Variants in IDH3B observed in about 807,000 individuals in gnomAD.
IDH3B encodes isocitrate dehydrogenase [NAD] subunit beta, mitochondrial.
In IDH3B, 40 loss-of-function variants were observed where a neutral mutation model predicts 47.5. That is an observed-to-expected ratio of 0.84 (90% confidence interval 0.65 to 1.10). IDH3B has a LOEUF of 1.10. Ranked by LOEUF, IDH3B falls within the 50% of genes least tolerant of loss-of-function variation. The pLI, the probability that IDH3B is intolerant of heterozygous loss-of-function variation, is 0.00. For synonymous variants in IDH3B, 185 were observed against 191.0 expected, an observed-to-expected ratio of 0.97 and a Z score of 0.26; for missense variants, 450 against 505.2, an observed-to-expected ratio of 0.89 and a Z score of 1.05.
chr20:2,660,416 C>T lies in IDH3B; in HGVS notation c.665+41G>A, dbSNP rs773643628. On this transcript the variant is annotated intron_variant, in intron 7 of 11. Transcript: ENST00000380843. This position sits in a 1 kb window ranked among gnomAD's most constrained non-coding sequence, Gnocchi z 5.6. ...ATCAGCCAAGAAAGTACAGGGGCTA[C>T]CTTCCCAGGAACCCATCCTACACAA... 6.2e-6 allele frequency: 10 copies of T among 1,613,988 alleles called. No individual in the cohort carries two copies. In the East Asian group the frequency reaches 2.0e-4, roughly 32 times the overall value.
chr20:2,661,918 T>G (rs968945968), intron 4 of IDH3B, among the ~76,000 whole-genome samples: 1 of 151,968 alleles, frequency 6.6e-6, no homozygotes, highest in Non-Finnish European at 1.5e-5. Context: ...AAGTTAAGGA[T>G]CTTGAGAAAA....
rs1335388011 is a variant in IDH3B, at chr20:2,660,376, G to A, written c.666-11C>T. On this transcript the variant is annotated splice_polypyrimidine_tract_variant and intron_variant, in intron 7 of 11. Coordinates refer to ENST00000380843, the MANE Select transcript of IDH3B (RefSeq NM_006899.5). This position sits in a 1 kb window ranked among gnomAD's most constrained non-coding sequence, Gnocchi z 5.6. ...CCATCCCCAAGTTTCCTGTCCATGG[G>A]CCAAAGGGGACAGAATCAGCCAAGA... 6.2e-7 allele frequency: 1 copy of A among 1,613,856 alleles called. No homozygotes were observed. The highest frequency in any genetic ancestry group is 8.5e-7 in the Non-Finnish European group (1 of 1,179,922).
chr20:2,660,007 G>A lies in IDH3B; in HGVS notation c.915+23C>T. 1 of 1,613,952 alleles carries A rather than the reference G, an allele frequency of 6.2e-7. No individual in the cohort carries two copies. The highest frequency in any genetic ancestry group is 8.5e-7 in the Non-Finnish European group (1 of 1,179,868). The stretch of plus-strand genomic sequence containing the variant: ...TGGCGGACTTGAGGTCAGAGGAAGG[G>A]CCGAGGGAGAAAGCAGCCTCACCGT... On this transcript the variant is annotated intron_variant, in intron 9 of 11. Transcript: ENST00000380843. The surrounding 1 kb of genome is among the most constrained non-coding windows in gnomAD (Gnocchi z 5.6).
chr20:2,661,074 A>G, intron 4 of IDH3B, 105 bp from the exon 5 acceptor site: 3 of 914,722 alleles, frequency 3.3e-6, no homozygotes, highest in Non-Finnish European at 3.6e-6. Flanking sequence ...CCAGACTCCC[A>G]TCTCCCATTC....
chr20:2,660,069 A>G lies in IDH3B; in HGVS notation c.876T>C (p.Pro292=). The G allele has an allele frequency of 1.9e-6, 3 of 1,614,104 alleles. No homozygotes were observed. Among genetic ancestry groups the G allele is most frequent in the Non-Finnish European group, 8.5e-7 (1 of 1,180,004 alleles). The change falls in exon 9 of 12, where the codon CCT becomes CCC. Residue 292 remains proline (P), a synonymous_variant. Coordinates refer to ENST00000380843, the MANE Select transcript of IDH3B (RefSeq NM_006899.5). This position sits in a 1 kb window ranked among gnomAD's most constrained non-coding sequence, Gnocchi z 5.6. Reference sequence around the variant, plus strand: ...CGTATTCTGCACTATAGCTCTCACCAGGGACCACACCAGCTCCCCCAACCA... The same window carrying G: ...CGTATTCTGCACTATAGCTCTCACCGGGGACCACACCAGCTCCCCCAACCA... The part of the protein sequence containing the change: ...AGLVGGAGVV[P]GESYSAEYAV...
rs766033727 is a variant in IDH3B, at chr20:2,660,286, T to C, written c.745A>G (p.Ile249Val). ...LYPKIKFETM[I>V]IDNCCMQLVQ... ...ACCTGCATGCAGCAGTTGTCTATGA[T>C]CATTGTCTCAAATTTGATTTTGGGG... Residue 249 changes from isoleucine (I) to valine (V), a missense_variant, in exon 8 of 12, where the codon ATC becomes GTC. By Grantham distance (29) the Ile-to-Val change is conservative. Coordinates refer to ENST00000380843, the MANE Select transcript of IDH3B (RefSeq NM_006899.5). This position sits in a 1 kb window ranked among gnomAD's most constrained non-coding sequence, Gnocchi z 5.6. 6.2e-7 allele frequency: 1 copy of C among 1,614,078 alleles called. No homozygotes were observed.
At chr20:2,663,833 G>A (rs1000377665) in intron 2 of IDH3B, 75 bp from the exon 3 acceptor site, 34 of 1,590,990 alleles carry the variant, frequency 2.1e-5, no homozygotes, top group Non-Finnish European at 2.8e-5. Flanking sequence ...AGAGAAGTAG[G>A]GAGACCCGGG....
chr20:2,664,119 G>A (rs753830567), intron 1 of IDH3B, 34 bp downstream of exon 1: 1 of 1,607,284 alleles, frequency 6.2e-7, no homozygotes, highest in Admixed American at 1.7e-5. Flanking sequence ...CCGCTCCTTC[G>A]CCCGCCCCTG....
chr20:2,664,168 G>C lies in IDH3B; in HGVS notation c.21C>G (p.Val7=). The C allele has an allele frequency of 1.2e-6, 2 of 1,613,636 alleles. No homozygotes were observed. Among genetic ancestry groups the C allele is most frequent in the Non-Finnish European group, 1.7e-6 (2 of 1,179,892 alleles). Residue 7 remains valine (V), a synonymous_variant, in exon 1 of 12, where the codon GTC becomes GTG. Transcript: ENST00000380843. MAALSG[V]RWLTRALVSA... is the part of the protein sequence containing the mutation. ...GGGGCCTCACTCGGGTCAGCCAGCG[G>C]ACTCCGCTCAATGCCGCCATGTTTC...
chr20:2,663,767 G>C lies in IDH3B; in HGVS notation c.118-9C>G, dbSNP rs1307182570. On this transcript the variant is annotated splice_polypyrimidine_tract_variant and intron_variant, in intron 2 of 11. Coordinates refer to ENST00000380843, the MANE Select transcript of IDH3B (RefSeq NM_006899.5). ...ACCCTCACGTCCTCGGCCTCAATTG[G>C]GGGAAGAGGGGAGAAGTAAAGATAG... The C allele has an allele frequency of 4.3e-6, 7 of 1,613,352 alleles. No homozygotes were observed. Among genetic ancestry groups the C allele is most frequent in the Non-Finnish European group, 5.9e-6 (7 of 1,179,402 alleles).
chr20:2,659,623 A>G, intron 10 of IDH3B, 38 bp from the exon 11 acceptor site: 1 of 1,611,722 alleles, frequency 6.2e-7, no homozygotes, highest in Non-Finnish European at 8.5e-7. Flanking sequence ...GACTCCCCCA[A>G]GACACCTCCC....
Position 2,659,794 on chromosome 20 carries a change from C to CATT in IDH3B, c.916-2_916-1insAAT. 1 of 1,611,246 alleles carries CATT rather than the reference C, an allele frequency of 6.2e-7. No individual in the cohort carries two copies. Among genetic ancestry groups the CATT allele is most frequent in the Non-Finnish European group, 8.5e-7 (1 of 1,177,382 alleles). Reference sequence around the variant, plus strand: ...CCTGGGCAAATGGGTGCCGGGCACCCTGTGGAGAGAGGGGCAGGCTAGACA... The same window carrying CATT: ...CCTGGGCAAATGGGTGCCGGGCACCCATTTGTGGAGAGAGGGGCAGGCTAGACA... On this transcript the variant is annotated splice_acceptor_variant, in intron 9 of 11. Transcript: ENST00000380843. LOFTEE classifies it high-confidence loss of function.
chr20:2,659,772 G>A lies in IDH3B; in HGVS notation c.937C>T (p.Gln313Ter), dbSNP rs966931423. The change falls in exon 10 of 12, where the codon CAG becomes TAG. Residue 313 changes from glutamine (Q) to a stop codon, truncating the protein, a stop_gained. Transcript: ENST00000380843. LOFTEE classifies it high-confidence loss of function. ...TTGGCTATATTCCTGCCCACTGCCTGGGCAAATGGGTGCCGGGCACCCTGT... is the reference window on the plus strand; with the variant it reads ...TTGGCTATATTCCTGCCCACTGCCTAGGCAAATGGGTGCCGGGCACCCTGT... ...FETGARHPFA[Q>*]AVGRNIANPT... is the part of the protein sequence containing the mutation. 2 of 1,614,022 alleles carry A rather than the reference G, an allele frequency of 1.2e-6. No homozygotes were observed. The highest frequency in any genetic ancestry group is 1.7e-5 in the Admixed American group (1 of 60,018).
rs2086870059 is a variant in IDH3B, at chr20:2,658,727, C to A, written c.*24G>T. ...AAGGGTATGGGGAGTGTGGTCCTTGCAAGGTTGGAAGAAATAAAGGGCTCT... is the reference window on the plus strand; with the variant it reads ...AAGGGTATGGGGAGTGTGGTCCTTGAAAGGTTGGAAGAAATAAAGGGCTCT... On this transcript the variant is annotated 3_prime_UTR_variant, in exon 12 of 12. Transcript: ENST00000380843. The A allele has an allele frequency of 6.2e-7, 1 of 1,614,140 alleles. No individual in the cohort carries two copies. The highest frequency in any genetic ancestry group is 8.5e-7 in the Non-Finnish European group (1 of 1,180,020).
rs1256832298 is a variant in IDH3B at position 2,660,530 on chromosome 20, C to T, written c.592G>A (p.Ala198Thr). 1 of 1,614,056 alleles carries T rather than the reference C, an allele frequency of 6.2e-7. No homozygotes were observed. The highest frequency in any genetic ancestry group is 8.5e-7 in the Non-Finnish European group (1 of 1,180,042). ...IVTRAKSQRIAKFAFDYATKK... is the reference protein window; with the variant it reads ...IVTRAKSQRITKFAFDYATKK... ...GTGGCATAGTCAAAGGCGAACTTTG[C>T]AATCCGCTGAGACTTGGCTCGTGTG... Residue 198 changes from alanine (A) to threonine (T), a missense_variant, in exon 7 of 12, where the codon GCA becomes ACA. Coordinates refer to ENST00000380843, the MANE Select transcript of IDH3B (RefSeq NM_006899.5). The surrounding 1 kb of genome is among the most constrained non-coding windows in gnomAD (Gnocchi z 5.6).
At position 2,659,726 on chromosome 20, in the gene IDH3B, G is replaced by A. The variant is rs770656240; in HGVS notation, c.983C>T (p.Ser328Leu). ...AAGATGCCGCAGCATGTTGGAAGCC[G>A]ACAGCAGCATGGCCGTGGGATTGGC... ...NIANPTAMLL[S>L]ASNMLRHLNL... The change falls in exon 10 of 12, where the codon TCG (serine) becomes TTG (leucine). Residue 328 changes from serine to leucine, a missense_variant. Physicochemically the swap from Ser to Leu is moderately radical, Grantham distance 145. Coordinates refer to ENST00000380843, the MANE Select transcript of IDH3B (RefSeq NM_006899.5). The A allele has an allele frequency of 5.0e-6, 8 of 1,614,036 alleles. No individual in the cohort carries two copies. In the South Asian group the frequency reaches 5.5e-5, roughly 11 times the overall value.
At chr20:2,659,925 G>A in intron 9 of IDH3B, 105 bp downstream of exon 9, 1 of 1,509,334 alleles carries the variant, frequency 6.6e-7, no homozygotes, top group Admixed American at 1.7e-5. Flanking sequence ...TGGGCAGCGT[G>A]GGGGAAGAAC....
rs765591514 is a variant in IDH3B, at chr20:2,660,387, CAG to C, written c.666-24_666-23del. ...TTTCCTGTCCATGGGCCAAAGGGGA[CAG>C]AATCAGCCAAGAAAGTACAGGGGCT... On this transcript the variant is annotated intron_variant, in intron 7 of 11. Coordinates refer to ENST00000380843, the MANE Select transcript of IDH3B (RefSeq NM_006899.5). The surrounding 1 kb of genome is among the most constrained non-coding windows in gnomAD (Gnocchi z 5.6). 6.2e-7 allele frequency: 1 copy of C among 1,614,066 alleles called. No individual in the cohort carries two copies. The highest frequency in any genetic ancestry group is 2.2e-5 in the East Asian group (1 of 44,872).
In IDH3B at chr20:2,658,560, CTCCATCCTAACAATCCCCA is replaced by C; in HGVS notation, c.*172_*190del. 1 of 1,612,964 alleles carries C rather than the reference CTCCATCCTAACAATCCCCA, an allele frequency of 6.2e-7. No homozygotes were observed. The highest frequency in any genetic ancestry group is 8.5e-7 in the Non-Finnish European group (1 of 1,179,466). Reference sequence around the variant, plus strand: ...ATCATCATCATCCATGTGGCCTGGGCTCCATCCTAACAATCCCCATCACCACCCAACAGTCTGTCCCCTA... The same window carrying C: ...ATCATCATCATCCATGTGGCCTGGGCTCACCACCCAACAGTCTGTCCCCTA... On this transcript the variant is annotated 3_prime_UTR_variant, in exon 12 of 12. Coordinates refer to ENST00000380843, the MANE Select transcript of IDH3B (RefSeq NM_006899.5).
Sources: allele counts gnomAD v4.1 joint callset (sites outside exome capture counted in the v4.1 genomes callset), GRCh38; gene constraint gnomAD v4.1.1; non-coding constraint Gnocchi (gnomAD v3.1); transcripts MANE v1.5; gene names NCBI Gene and HGNC (gene_info 2026-07-23, HGNC 2026-07-21).